The following XKR4 variants were observed in gnomAD, a reference collection of about 807,000 sequenced individuals.
XKR4 encodes the protein XK related 4, also known as XK-related protein 4.
XKR4 carries 12 observed loss-of-function variants against 53.9 expected under a neutral mutation model. That is an observed-to-expected ratio of 0.22 (90% confidence interval 0.14 to 0.36). XKR4 has a LOEUF of 0.36. XKR4 is among the 10% of genes least tolerant of loss of function. XKR4 has a pLI of 1.00. For missense variants in XKR4, 799 were observed against 859.5 expected (o/e 0.93, Z 0.88); for synonymous variants, 354 against 362.4 (o/e 0.98, Z 0.26).
intron 2 of XKR4, among the ~76,000 whole-genome samples, chr8:55,391,798 T>G (rs1430636928): frequency 7.9e-5 from 12 of 152,210 alleles, no homozygotes; most frequent in Non-Finnish European, 1.5e-4. Context: ...ATGACATAAC[T>G]ACAAAGAAAT....
intron 1 of XKR4, among the ~76,000 whole-genome samples, chr8:55,226,841 T>C (rs1006882308): frequency 6.6e-6 from 1 of 152,184 alleles, no homozygotes; most frequent in Non-Finnish European, 1.5e-5. Context: ...ACACGAGTCT[T>C]ATCCCATTAT....
Position 55,469,070 on chromosome 8 carries a change from C to G in XKR4, c.1007-54211C>G, listed in dbSNP as rs187759127. On this transcript the variant is annotated intron_variant, in intron 2 of 2. Transcript: ENST00000327381. Reference sequence around the variant, plus strand: ...TAATTTTTCATCATCCTTCCCTCGCCCCATAGCTAATCAGTATCTAAGGAC... The same window carrying G: ...TAATTTTTCATCATCCTTCCCTCGCGCCATAGCTAATCAGTATCTAAGGAC... 7.4e-4 allele frequency among the ~76,000 whole-genome samples: 112 copies of G among 152,222 alleles called. 2 individuals are homozygous for G. The highest frequency in any genetic ancestry group is 2.6e-3 in the African/African-American group (108 of 41,486).
chr8:55,498,160 T>A (rs1396619900), intron 2 of XKR4, among the ~76,000 whole-genome samples: 1 of 152,216 alleles, frequency 6.6e-6, no homozygotes, highest in Non-Finnish European at 1.5e-5. Flanking sequence ...GAGCCTCAGC[T>A]GGGGACCACA....
intron 1 of XKR4, among the ~76,000 whole-genome samples, chr8:55,139,508 GTC>G (rs1816673477): frequency 4.5e-5 from 2 of 44,456 alleles, no homozygotes; most frequent in Non-Finnish European, 4.5e-5. Context: ...GCAAGACTCC[GTC>G]TCAAAAAAAA....
chr8:55,387,223 G>A (rs1010753794), intron 2 of XKR4, among the ~76,000 whole-genome samples: 1 of 152,174 alleles, frequency 6.6e-6, no homozygotes, highest in South Asian at 2.1e-4. Context: ...CTTTGAGGCT[G>A]CTCTGACTCC....
chr8:55,142,789 A>T (rs1307425858), intron 1 of XKR4, among the ~76,000 whole-genome samples: 1 of 152,236 alleles, frequency 6.6e-6, no homozygotes, highest in African/African-American at 2.4e-5. Flanking sequence ...TATTGCATGT[A>T]TGCGTGATGT....
intron 1 of XKR4, among the ~76,000 whole-genome samples, chr8:55,173,101 A>G (rs1466778320): frequency 2.0e-5 from 3 of 152,180 alleles, no homozygotes; most frequent in African/African-American, 7.2e-5. Context: ...GCATAGAATT[A>G]CTGCAAATGC....
chr8:55,490,671 A>C (rs905747239), intron 2 of XKR4, among the ~76,000 whole-genome samples: 9 of 152,358 alleles, frequency 5.9e-5, no homozygotes, highest in Admixed American at 5.9e-4. Context: ...TTATAATGTC[A>C]GCAGTCATCT....
chr8:55,465,817 G>T (rs1486842425), intron 2 of XKR4, among the ~76,000 whole-genome samples: 1 of 151,878 alleles, frequency 6.6e-6, no homozygotes, highest in African/African-American at 2.4e-5. Flanking sequence ...CCATCAAAAA[G>T]TGGGCAAAGG....
Position 55,535,408 on chromosome 8 carries a change from GA to G in XKR4, c.*11182del, listed in dbSNP as rs1807019196. On this transcript the variant is annotated 3_prime_UTR_variant, in exon 3 of 3. Transcript: ENST00000327381. The stretch of plus-strand genomic sequence containing the variant: ...CACCCCACAACACTCCCCGGTGTGT[GA>G]TGTTCCCCTTCCTGTGCACGTGACT... The G allele has an allele frequency of 7.7e-6, 1 of 129,070 alleles. No individual in the cohort carries two copies. The highest frequency in any genetic ancestry group is 2.5e-4 in the South Asian group (1 of 4,018). 8.0% of individuals were successfully genotyped at this position (129,070 alleles called of 1,614,324 possible).
intron 1 of XKR4, among the ~76,000 whole-genome samples, chr8:55,184,406 A>G (rs965039127): frequency 6.6e-6 from 1 of 152,180 alleles, no homozygotes; most frequent in African/African-American, 2.4e-5. Context: ...TCTTGTTGCC[A>G]CCATATTACT....
intron 1 of XKR4, among the ~76,000 whole-genome samples, chr8:55,256,584 G>A (rs1410460085): frequency 6.6e-6 from 1 of 152,202 alleles, no homozygotes; most frequent in Non-Finnish European, 1.5e-5. Flanking sequence ...TCATTTGCAT[G>A]ACTAGATGTA....
At chr8:55,163,651 G>C (rs1372837412) in intron 1 of XKR4, among the ~76,000 whole-genome samples, 3 of 152,138 alleles carry the variant, frequency 2.0e-5, no homozygotes, top group Non-Finnish European at 4.4e-5. Context: ...TTCAAGACCA[G>C]ACTGGCCAAC....
chr8:55,456,181 C>T (rs527267064), intron 2 of XKR4, among the ~76,000 whole-genome samples: 116 of 152,230 alleles, frequency 7.6e-4, no homozygotes, highest in African/African-American at 2.7e-3. Flanking sequence ...CCTGTAATCC[C>T]AGCACTTTGG....
At chr8:55,167,425 G>T (rs773590979) in intron 1 of XKR4, among the ~76,000 whole-genome samples, 11 of 152,132 alleles carry the variant, frequency 7.2e-5, no homozygotes, top group Non-Finnish European at 1.5e-4. Flanking sequence ...TCATGAGTAT[G>T]ATGCTCCAAG....
chr8:55,450,249 C>G lies in XKR4; in HGVS notation c.1007-73032C>G, dbSNP rs113569204. 1.2e-3 allele frequency: 778 copies of G among 652,790 alleles called. 2 individuals carry two copies. The African/African-American group carries it at 0.013, about 11-fold the overall frequency. The allele number at this position is 652,790 out of a possible 1,614,324, so 40.4% of individuals were successfully genotyped here. On this transcript the variant is annotated intron_variant, in intron 2 of 2. Coordinates refer to ENST00000327381, the MANE Select transcript of XKR4 (RefSeq NM_052898.2). ...GAGCGCCTCCGTCAAACCGTTCTTC[C>G]TCAGGGGCTCAGGGGGTTCCCCGAG...
chr8:55,250,141 G>A (rs956991617), intron 1 of XKR4, among the ~76,000 whole-genome samples: 2 of 152,126 alleles, frequency 1.3e-5, no homozygotes, highest in Admixed American at 1.3e-4. Flanking sequence ...AAGGATCTTA[G>A]GTTCCTGATG....
At chr8:55,217,181 G>T (rs1179513643) in intron 1 of XKR4, among the ~76,000 whole-genome samples, 1 of 145,302 alleles carries the variant, frequency 6.9e-6, no homozygotes, top group Non-Finnish European at 1.5e-5. Flanking sequence ...GGCAGAGCTT[G>T]CAGTGAGCCA....
chr8:55,493,574 C>G (rs536925336), intron 2 of XKR4, among the ~76,000 whole-genome samples: 1 of 152,278 alleles, frequency 6.6e-6, no homozygotes, highest in South Asian at 2.1e-4. Flanking sequence ...TATAAAAGAG[C>G]AAGTATGGGT....
Sources: gnomAD v4.1 joint callset for allele counts (sites outside exome capture counted in the v4.1 genomes callset) on GRCh38, gnomAD v4.1.1 for gene constraint, MANE v1.5 for transcripts, NCBI Gene and HGNC (gene_info 2026-07-23, HGNC 2026-07-21) for gene names.